MGAT4A: variants seen among roughly 807,000 people sequenced by gnomAD.
MGAT4A encodes the protein N-acetylglucosaminyltransferase IVa.
A neutral mutation model predicts 74.1 loss-of-function variants in MGAT4A; 33 were observed. That is an observed-to-expected ratio of 0.45 (90% CI 0.34 to 0.60). MGAT4A has a LOEUF of 0.60. Ranked by LOEUF, MGAT4A falls within the 20% of genes least tolerant of loss-of-function variation. MGAT4A has a pLI of 0.02. For missense variants in MGAT4A, 479 were observed against 628.3 expected (o/e 0.76, Z 2.54); for synonymous variants, 198 against 210.4 (o/e 0.94, Z 0.51).
intron 10 of MGAT4A, among the ~76,000 whole-genome samples, chr2:98,640,950 T>C (rs550532234): frequency 2.6e-4 from 40 of 152,304 alleles, no homozygotes; most frequent in African/African-American, 9.4e-4. Context: ...TGAAAGCAAC[T>C]TGAAAATGTG....
At chr2:98,674,270 C>A (rs908600946) in intron 4 of MGAT4A, among the ~76,000 whole-genome samples, 1 of 152,216 alleles carries the variant, frequency 6.6e-6, no homozygotes, top group Non-Finnish European at 1.5e-5. Context: ...CATTTCATCA[C>A]TTGTTAAAAA....
At chr2:98,637,835 C>CAAA (rs1701345816) in intron 12 of MGAT4A, among the ~76,000 whole-genome samples, 1 of 152,170 alleles carries the variant, frequency 6.6e-6, no homozygotes, top group Non-Finnish European at 1.5e-5. Flanking sequence ...GGAGAACTGA[C>CAAA]AAAAAGTCCC....
At position 98,624,076 on chromosome 2, in the gene MGAT4A, G is replaced by A. The variant is rs1451481923; in HGVS notation, c.*1490C>T. ...CGCCCAGGCTGGAGTGCAGTGGTGC[G>A]ATCTCAGCTCACTGCCAGCTCTGCC... On this transcript the variant is annotated 3_prime_UTR_variant, in exon 16 of 16. Transcript: ENST00000393487. 4.8e-5 allele frequency: 45 copies of A among 938,430 alleles called. 1 individual carries two copies. Among genetic ancestry groups the A allele is most frequent in the Non-Finnish European group, 5.6e-5 (44 of 787,588 alleles). The allele number at this position is 938,430 out of a possible 1,614,324, so 58.1% of individuals were successfully genotyped here.
chr2:98,667,293 G>C (rs570698843), intron 4 of MGAT4A, among the ~76,000 whole-genome samples: 1 of 152,124 alleles, frequency 6.6e-6, no homozygotes, highest in Non-Finnish European at 1.5e-5. Context: ...CAGGAGAGTG[G>C]GGCACTGCCG....
rs1280375233 is a variant in MGAT4A, at chr2:98,620,861, C to T, written c.*4705G>A. The T allele has an allele frequency of 6.6e-6, 1 of 152,368 alleles. No homozygotes were observed. The highest frequency in any genetic ancestry group is 1.9e-4 in the East Asian group (1 of 5,190). The allele number at this position is 152,368 out of a possible 1,614,324, so 9.4% of individuals were successfully genotyped here. ...CTTACACACTGTTTCAGTCCTATTCCTATAGTCTCATTCTAGCAGTTCCTT... is the reference window on the plus strand; with the variant it reads ...CTTACACACTGTTTCAGTCCTATTCTTATAGTCTCATTCTAGCAGTTCCTT... On this transcript the variant is annotated 3_prime_UTR_variant, in exon 16 of 16. Coordinates refer to ENST00000393487, the MANE Select transcript of MGAT4A (RefSeq NM_012214.3).
intron 2 of MGAT4A, among the ~76,000 whole-genome samples, chr2:98,684,474 G>A (rs1702101901): frequency 6.6e-6 from 1 of 152,246 alleles, no homozygotes; most frequent in South Asian, 2.1e-4. Context: ...TACAAATTGT[G>A]TTTTGTGAAC....
intron 1 of MGAT4A, among the ~76,000 whole-genome samples, chr2:98,729,522 G>T (rs993334451): frequency 2.6e-5 from 4 of 152,000 alleles, no homozygotes; most frequent in African/African-American, 7.3e-5. Flanking sequence ...AATCTAACAC[G>T]TTTGAATCTT....
At chr2:98,641,592 C>T (rs1013956644) in intron 10 of MGAT4A, among the ~76,000 whole-genome samples, 29 of 149,918 alleles carry the variant, frequency 1.9e-4, no homozygotes, top group African/African-American at 7.1e-4. Flanking sequence ...AGGAGAATGG[C>T]GTGAACACGG....
chr2:98,658,441 T>C (rs1701692732), intron 5 of MGAT4A, among the ~76,000 whole-genome samples, 177 bp from the exon 6 acceptor site: 1 of 152,264 alleles, frequency 6.6e-6, no homozygotes, highest in Non-Finnish European at 1.5e-5. Flanking sequence ...TGAATGTCAC[T>C]GAGCACTTGC....
intron 4 of MGAT4A, 61 bp from the exon 5 acceptor site, chr2:98,663,240 T>G: frequency 6.5e-7 from 1 of 1,527,934 alleles, no homozygotes; most frequent in Non-Finnish European, 8.9e-7. Flanking sequence ...GAAAAACACT[T>G]CTATTTCAAA....
chr2:98,722,549 G>T (rs533805959), intron 2 of MGAT4A, among the ~76,000 whole-genome samples: 1 of 152,158 alleles, frequency 6.6e-6, no homozygotes, highest in African/African-American at 2.4e-5. Context: ...GGGAGGTAGG[G>T]ATTAGGACAG....
chr2:98,710,560 A>G (rs1231621115), intron 2 of MGAT4A, among the ~76,000 whole-genome samples: 2 of 152,092 alleles, frequency 1.3e-5, no homozygotes, highest in South Asian at 2.1e-4. Context: ...CCCCAGTTCA[A>G]GTGATTCTCC....
chr2:98,623,795 G>A lies in MGAT4A; in HGVS notation c.*1771C>T. 3 of 985,386 alleles carry A rather than the reference G, an allele frequency of 3.0e-6. No homozygotes were observed. The highest frequency in any genetic ancestry group is 3.6e-6 in the Non-Finnish European group (3 of 829,918). The allele number at this position is 985,386 out of a possible 1,614,324, so 61.0% of individuals were successfully genotyped here. The stretch of plus-strand genomic sequence containing the variant: ...TTTGTAACACAGCACAGGAAATGAT[G>A]CTATTTCATGCTGTTGGTTCAGCAC... On this transcript the variant is annotated 3_prime_UTR_variant, in exon 16 of 16. Coordinates refer to ENST00000393487, the MANE Select transcript of MGAT4A (RefSeq NM_012214.3).
rs1267105259 is a variant in MGAT4A, at chr2:98,620,225, AAAGT to A, written c.*5337_*5340del. ...CATTGTATGATCACATGCATTAAAG[AAAGT>A]AAGCATACTAGTTATCGTAGCATAT... On this transcript the variant is annotated 3_prime_UTR_variant, in exon 16 of 16. Coordinates refer to ENST00000393487, the MANE Select transcript of MGAT4A (RefSeq NM_012214.3). 3.9e-5 allele frequency: 6 copies of A among 152,362 alleles called. No individual in the cohort carries two copies. The highest frequency in any genetic ancestry group is 6.5e-5 in the Admixed American group (1 of 15,310). 9.4% of individuals were successfully genotyped at this position (152,362 alleles called of 1,614,324 possible).
chr2:98,713,947 A>G (rs1255128858), intron 2 of MGAT4A, among the ~76,000 whole-genome samples: 1 of 152,274 alleles, frequency 6.6e-6, no homozygotes, highest in Non-Finnish European at 1.5e-5. Flanking sequence ...TGTATATTAC[A>G]AGACTAAATA....
intron 2 of MGAT4A, among the ~76,000 whole-genome samples, chr2:98,699,901 C>T (rs896123772): frequency 2.0e-5 from 3 of 152,096 alleles, no homozygotes; most frequent in African/African-American, 7.2e-5. Flanking sequence ...GTTTTGAAGA[C>T]AAAATAGGGT....
chr2:98,627,301 A>G (rs148547472), intron 14 of MGAT4A, among the ~76,000 whole-genome samples: 1 of 152,360 alleles, frequency 6.6e-6, no homozygotes, highest in African/African-American at 2.4e-5. Flanking sequence ...AGTTTTGCAT[A>G]TAAGCACCAT....
chr2:98,641,283 G>A (rs566001098), intron 10 of MGAT4A, among the ~76,000 whole-genome samples: 2 of 152,184 alleles, frequency 1.3e-5, no homozygotes, highest in South Asian at 4.1e-4. Context: ...CACTTTGGGA[G>A]GCCAAGGTAG....
chr2:98,667,329 G>A (rs1326010959), intron 4 of MGAT4A, among the ~76,000 whole-genome samples: 2 of 152,204 alleles, frequency 1.3e-5, no homozygotes, highest in South Asian at 2.1e-4. Flanking sequence ...ACGTGGAAGT[G>A]AATTTGGAAC....
Sources: allele counts gnomAD v4.1 joint callset (sites outside exome capture counted in the v4.1 genomes callset), GRCh38; gene constraint gnomAD v4.1.1; transcripts MANE v1.5; gene names NCBI Gene and HGNC (gene_info 2026-07-23, HGNC 2026-07-21).